RAB38: variants seen among roughly 807,000 people sequenced by gnomAD.
RAB38 encodes ras-related protein Rab-38.
RAB38 carries 15 observed loss-of-function variants against 18.4 expected under a neutral mutation model. That is an observed-to-expected ratio of 0.82 (90% CI 0.55 to 1.26). The LOEUF is 1.26. Among genes scored for constraint, RAB38 ranks in the 50% most tolerant of loss-of-function variants. The pLI, the probability that RAB38 is intolerant of heterozygous loss-of-function variation, is 0.00. For synonymous variants in RAB38, 101 were observed against 104.4 expected, an observed-to-expected ratio of 0.97 and a Z score of 0.20; for missense variants, 294 against 267.4, an observed-to-expected ratio of 1.10 and a Z score of -0.69.
the RAB38 span, among the ~76,000 whole-genome samples, chr11:87,894,448 G>C: frequency 6.6e-6 from 1 of 151,580 alleles, no homozygotes; most frequent in Non-Finnish European, 1.5e-5. Context: ...AGATTCCCTG[G>C]GAGCAGTTCC....
At chr11:88,128,619 T>A (rs751511736) in intron 2 of RAB38, among the ~76,000 whole-genome samples, 43 of 152,200 alleles carry the variant, frequency 2.8e-4, no homozygotes, top group Non-Finnish European at 3.5e-4. Context: ...CTACCTGCCC[T>A]CAGGTTTTTG....
chr11:87,895,043 G>T, the RAB38 span, among the ~76,000 whole-genome samples: 5 of 151,554 alleles, frequency 3.3e-5, no homozygotes, highest in African/African-American at 1.2e-4. Flanking sequence ...GTCCCATTTT[G>T]TAGGGTTGAT....
At chr11:88,125,160 G>A (rs548011034) in intron 2 of RAB38, among the ~76,000 whole-genome samples, 7 of 152,256 alleles carry the variant, frequency 4.6e-5, no homozygotes, top group African/African-American at 1.7e-4. Context: ...CAATTAAGAT[G>A]TAACTACATT....
At chr11:87,826,184 C>T in the RAB38 span, among the ~76,000 whole-genome samples, 1 of 151,804 alleles carries the variant, frequency 6.6e-6, no homozygotes, top group Non-Finnish European at 1.5e-5. Context: ...AAATGATATC[C>T]CCTAGGGATG....
At chr11:87,882,325 G>A in the RAB38 span, among the ~76,000 whole-genome samples, 1 of 151,780 alleles carries the variant, frequency 6.6e-6, no homozygotes, top group Non-Finnish European at 1.5e-5. Context: ...GCTAGGTAGT[G>A]GTTCTAAACT....
chr11:87,892,675 C>T, the RAB38 span, among the ~76,000 whole-genome samples: 1 of 151,788 alleles, frequency 6.6e-6, no homozygotes, highest in African/African-American at 2.4e-5. Flanking sequence ...TGATTTTTGA[C>T]TTCTTACTTT....
At chr11:87,830,873 A>T in the RAB38 span, among the ~76,000 whole-genome samples, 246 of 152,060 alleles carry the variant, frequency 1.6e-3, 5 homozygotes, top group East Asian at 0.04. Flanking sequence ...GTCTCGGCTC[A>T]CTGCAACCTC....
At chr11:88,161,567 C>T (rs1039780492) in intron 1 of RAB38, among the ~76,000 whole-genome samples, 2 of 152,084 alleles carry the variant, frequency 1.3e-5, no homozygotes, top group African/African-American at 2.4e-5. Context: ...AGGCTTATTT[C>T]TCCACCTTTA....
chr11:87,860,334 A>C, the RAB38 span, among the ~76,000 whole-genome samples: 1 of 152,044 alleles, frequency 6.6e-6, no homozygotes, highest in African/African-American at 2.4e-5. Flanking sequence ...TGAAATGATA[A>C]TATTGCCAAA....
chr11:87,897,580 G>A, the RAB38 span, among the ~76,000 whole-genome samples: 4 of 151,480 alleles, frequency 2.6e-5, no homozygotes, highest in Non-Finnish European at 4.4e-5. Context: ...TTTGTAAATG[G>A]AAGGATTTTC....
At chr11:88,099,448 G>A in the RAB38 span, among the ~76,000 whole-genome samples, 3 of 151,658 alleles carry the variant, frequency 2.0e-5, no homozygotes, top group African/African-American at 7.3e-5. Flanking sequence ...CAAAACGAGG[G>A]GAGAGAAAGA....
chr11:87,808,829 A>G, the RAB38 span, among the ~76,000 whole-genome samples: 1 of 152,110 alleles, frequency 6.6e-6, no homozygotes, highest in Non-Finnish European at 1.5e-5. Flanking sequence ...ATACAAAAAT[A>G]CATATATCAG....
intron 2 of RAB38, among the ~76,000 whole-genome samples, chr11:88,120,936 C>T (rs1393967429): frequency 6.6e-6 from 1 of 152,158 alleles, no homozygotes; most frequent in Non-Finnish European, 1.5e-5. Context: ...CACTAATTCG[C>T]CCTGCTTTCT....
chr11:88,031,798 T>C, the RAB38 span, among the ~76,000 whole-genome samples: 1 of 152,090 alleles, frequency 6.6e-6, no homozygotes, highest in African/African-American at 2.4e-5. Flanking sequence ...AAAATGGCCA[T>C]ACTGCCCAAG....
intron 2 of RAB38, among the ~76,000 whole-genome samples, chr11:88,126,776 C>A (rs1942701000): frequency 6.6e-6 from 1 of 152,040 alleles, no homozygotes; most frequent in Non-Finnish European, 1.5e-5. Flanking sequence ...AGGAAGTCAC[C>A]ATAACCTCTC....
the RAB38 span, among the ~76,000 whole-genome samples, chr11:87,953,442 A>T: frequency 1.3e-5 from 2 of 152,144 alleles, no homozygotes; most frequent in Non-Finnish European, 2.9e-5. Context: ...TCACTTTCTA[A>T]GGTTTTAGCT....
chr11:87,850,629 C>A, the RAB38 span, among the ~76,000 whole-genome samples: 1 of 151,770 alleles, frequency 6.6e-6, no homozygotes, highest in Non-Finnish European at 1.5e-5. Context: ...AATATCTATA[C>A]CTTCTTCGTC....
the RAB38 span, among the ~76,000 whole-genome samples, chr11:88,064,846 T>C: frequency 6.6e-6 from 1 of 152,218 alleles, no homozygotes; most frequent in East Asian, 1.9e-4. Flanking sequence ...ATGCCTACTG[T>C]TTGTCAAATA....
chr11:87,883,644 A>G, the RAB38 span, among the ~76,000 whole-genome samples: 1 of 151,914 alleles, frequency 6.6e-6, no homozygotes, highest in African/African-American at 2.4e-5. Context: ...AGTTGCCTGG[A>G]TTTTCTAGGT....
Sources: gnomAD v4.1 joint callset for allele counts (sites outside exome capture counted in the v4.1 genomes callset) on GRCh38, gnomAD v4.1.1 for gene constraint, MANE v1.5 for transcripts, NCBI Gene and HGNC (gene_info 2026-07-23, HGNC 2026-07-21) for gene names.